PREX1: variants seen among roughly 807,000 people sequenced by gnomAD.
PREX1 encodes the protein phosphatidylinositol-3,4,5-trisphosphate dependent Rac exchange factor 1.
A neutral mutation model predicts 198.3 loss-of-function variants in PREX1; 41 were observed. The ratio of observed to expected loss-of-function variants is 0.21; its 90% confidence interval spans 0.16 to 0.27. PREX1 has a LOEUF of 0.27. Among genes scored for constraint, PREX1 ranks in the 10% least tolerant of loss-of-function variants. The pLI, the probability that PREX1 is intolerant of heterozygous loss-of-function variation, is 1.00. For synonymous variants in PREX1, 843 were observed against 887.2 expected (o/e 0.95, Z 0.89); for missense variants, 1,620 against 2,200.7 (o/e 0.74, Z 5.28).
At chr20:48,637,534 T>C (rs374818107) in intron 31 of PREX1, among the ~76,000 whole-genome samples, 177 bp downstream of exon 31, 19 of 152,220 alleles carry the variant, frequency 1.2e-4, no homozygotes, top group African/African-American at 4.3e-4. Flanking sequence ...CTGGCTCCAG[T>C]GCCCTGAGAC....
intron 1 of PREX1, among the ~76,000 whole-genome samples, chr20:48,760,601 A>G (rs927993978): frequency 6.6e-6 from 1 of 152,188 alleles, no homozygotes; most frequent in Admixed American, 6.5e-5. Flanking sequence ...TTGTAACTAC[A>G]AACACTTCCT....
chr20:48,780,405 AC>A (rs1286448063), intron 1 of PREX1, among the ~76,000 whole-genome samples: 1 of 152,156 alleles, frequency 6.6e-6, no homozygotes, highest in African/African-American at 2.4e-5. Flanking sequence ...ACTGCTTGAG[AC>A]CAACAGTTCA....
chr20:48,694,508 C>T (rs1389428749), intron 7 of PREX1, among the ~76,000 whole-genome samples: 3 of 152,180 alleles, frequency 2.0e-5, no homozygotes, highest in African/African-American at 7.2e-5. Context: ...GCAAGGTAAA[C>T]CATACATCAG....
At chr20:48,775,293 G>A (rs955006310) in intron 1 of PREX1, among the ~76,000 whole-genome samples, 6 of 151,962 alleles carry the variant, frequency 3.9e-5, no homozygotes, top group Non-Finnish European at 7.4e-5. Flanking sequence ...GAAGCCTTAC[G>A]AAGAAATCAA....
chr20:48,731,917 C>A (rs141169456), intron 4 of PREX1, among the ~76,000 whole-genome samples: 5 of 152,330 alleles, frequency 3.3e-5, no homozygotes, highest in Middle Eastern at 3.4e-3. Context: ...ACCTTCCTGG[C>A]ATCTTCCTCC....
chr20:48,833,927 C>T, the PREX1 span, among the ~76,000 whole-genome samples: 1 of 152,046 alleles, frequency 6.6e-6, no homozygotes, highest in Non-Finnish European at 1.5e-5. Flanking sequence ...ACTAAAAATA[C>T]AAAATATTAG....
In PREX1 at chr20:48,642,492, G is replaced by A. The variant is rs1406870912; in HGVS notation, c.3602-3C>T. 1 of 1,609,262 alleles carries A rather than the reference G, an allele frequency of 6.2e-7. No individual in the cohort carries two copies. The highest frequency in any genetic ancestry group is 8.5e-7 in the Non-Finnish European group (1 of 1,176,808). On this transcript the variant is annotated splice_region_variant and splice_polypyrimidine_tract_variant and intron_variant, in intron 27 of 39. Coordinates refer to ENST00000371941, the MANE Select transcript of PREX1 (RefSeq NM_020820.4). The stretch of plus-strand genomic sequence containing the variant: ...CATGTCACAGGGCAGCTCATCTCCT[G>A]GCAGGAGGTAGAAGCAGCAGCCATC...
chr20:48,636,754 C>T, intron 31 of PREX1, 71 bp from the exon 32 acceptor site: 1 of 1,413,618 alleles, frequency 7.1e-7, no homozygotes, highest in Admixed American at 2.1e-5. Context: ...CCCCCCAAAA[C>T]CCTGGGTCCA....
At position 48,788,238 on chromosome 20, in the gene PREX1, T is replaced by C. The variant is rs550354518; in HGVS notation, c.219+39404A>G. 2.0e-5 allele frequency among the ~76,000 whole-genome samples: 3 copies of C among 152,258 alleles called. No homozygotes were observed. The South Asian group carries it at 6.2e-4, about 32-fold the overall frequency. ...GAGCCTTTTGCAGGATAGAGGCAGA[T>C]GTTTGGAGATATGATGTAACCTGGG... On this transcript the variant is annotated intron_variant, in intron 1 of 39. Transcript: ENST00000371941.
At chr20:48,778,505 G>A (rs565082109) in intron 1 of PREX1, among the ~76,000 whole-genome samples, 1 of 151,926 alleles carries the variant, frequency 6.6e-6, no homozygotes, top group South Asian at 2.1e-4. Context: ...TGGGACAATC[G>A]CTTGAACCCA....
At chr20:48,791,372 G>A (rs1007244901) in intron 1 of PREX1, among the ~76,000 whole-genome samples, 1 of 152,220 alleles carries the variant, frequency 6.6e-6, no homozygotes, top group African/African-American at 2.4e-5. Context: ...ATCAAACCCA[G>A]AGGAGGTGTT....
At position 48,691,533 on chromosome 20, in the gene PREX1, A is replaced by G. The variant is rs985488921; in HGVS notation, c.1037-437T>C. Reference sequence around the variant, plus strand: ...GGGACCTGGAAAACCTCTCAAACAGATTGGCATGATCTAGGGAAGCGAAAG... The same window carrying G: ...GGGACCTGGAAAACCTCTCAAACAGGTTGGCATGATCTAGGGAAGCGAAAG... On this transcript the variant is annotated intron_variant, in intron 8 of 39. Transcript: ENST00000371941. The surrounding 1 kb of genome is among the most constrained non-coding windows in gnomAD (Gnocchi z 5.0). Among the ~76,000 whole-genome samples, 2 of 152,134 alleles carry G rather than the reference A, an allele frequency of 1.3e-5. No homozygotes were observed. Among genetic ancestry groups the G allele is most frequent in the Non-Finnish European group, 2.9e-5 (2 of 68,028 alleles).
At chr20:48,748,119 A>T (rs921303719) in intron 1 of PREX1, among the ~76,000 whole-genome samples, 4 of 152,176 alleles carry the variant, frequency 2.6e-5, no homozygotes, top group African/African-American at 9.7e-5. Flanking sequence ...CAGGCCCTGC[A>T]CTGGGCCCTG....
chr20:48,763,618 G>A (rs901118362), intron 1 of PREX1, among the ~76,000 whole-genome samples: 19 of 152,272 alleles, frequency 1.2e-4, no homozygotes, highest in South Asian at 4.1e-4. Context: ...GCTGGAGGGC[G>A]AGCAGTCCCC....
intron 3 of PREX1, among the ~76,000 whole-genome samples, chr20:48,744,793 T>C (rs2090100248): frequency 6.6e-6 from 1 of 152,146 alleles, no homozygotes; most frequent in African/African-American, 2.4e-5. Context: ...GGGCCCACCC[T>C]CTATGTGGAG....
At chr20:48,701,386 A>G (rs1421023211) in intron 6 of PREX1, among the ~76,000 whole-genome samples, 1 of 151,700 alleles carries the variant, frequency 6.6e-6, no homozygotes, top group East Asian at 1.9e-4. Flanking sequence ...CTAATTTTGT[A>G]TTTTTTTAGA....
At chr20:48,642,888 A>T (rs1360177120) in intron 27 of PREX1, 4 of 172,434 alleles carry the variant, frequency 2.3e-5, no homozygotes, top group African/African-American at 9.5e-5. Context: ...TGACTATCTT[A>T]TGTGATGAAA....
intron 1 of PREX1, among the ~76,000 whole-genome samples, chr20:48,752,037 T>C (rs1413649525): frequency 6.6e-6 from 1 of 152,122 alleles, no homozygotes; most frequent in Non-Finnish European, 1.5e-5. Context: ...ATGTTCTATA[T>C]CTTGATCTGA....
chr20:48,635,603 G>A (rs2089356158), intron 32 of PREX1, among the ~76,000 whole-genome samples: 1 of 152,164 alleles, frequency 6.6e-6, no homozygotes, highest in African/African-American at 2.4e-5. Context: ...CTGCCTGGCT[G>A]GCTGAGGTCT....
Sources: allele counts gnomAD v4.1 joint callset (sites outside exome capture counted in the v4.1 genomes callset), GRCh38; gene constraint gnomAD v4.1.1; non-coding constraint Gnocchi (gnomAD v3.1); transcripts MANE v1.5; gene names NCBI Gene and HGNC (gene_info 2026-07-23, HGNC 2026-07-21).